Variants in ABRA observed in about 807,000 individuals in gnomAD.
The protein encoded by ABRA is actin-binding Rho-activating protein.
Under a neutral mutation model 33.4 loss-of-function variants are expected in ABRA, and 25 were observed. The ratio of observed to expected loss-of-function variants is 0.75; its 90% confidence interval spans 0.55 to 1.04. The LOEUF (loss-of-function observed/expected upper bound fraction) is 1.04, where lower values mean the gene tolerates loss of function less well. Among genes scored for constraint, ABRA ranks in the 50% least tolerant of loss-of-function variants. ABRA has a pLI of 0.00. For synonymous variants in ABRA, 193 were observed against 176.8 expected, an observed-to-expected ratio of 1.09 and a Z score of -0.73; for missense variants, 501 against 491.7, an observed-to-expected ratio of 1.02 and a Z score of -0.18.
At chr8:106,764,601 G>A (rs554745037) in intron 1 of ABRA, among the ~76,000 whole-genome samples, 10 of 152,144 alleles carry the variant, frequency 6.6e-5, no homozygotes, top group African/African-American at 2.2e-4. Flanking sequence ...GCAGTGAGCC[G>A]AGATGGTGTA....
chr8:106,763,962 A>G (rs1836172843), intron 1 of ABRA, among the ~76,000 whole-genome samples: 1 of 152,190 alleles, frequency 6.6e-6, no homozygotes, highest in Non-Finnish European at 1.5e-5. Flanking sequence ...TACTTATTGG[A>G]TATTTTATAA....
At chr8:106,762,536 A>G (rs943810044) in intron 1 of ABRA, among the ~76,000 whole-genome samples, 2 of 152,214 alleles carry the variant, frequency 1.3e-5, no homozygotes, top group African/African-American at 4.8e-5. Context: ...GCCTAATATT[A>G]GGATGGGGCA....
chr8:106,764,409 T>C (rs1028983438), intron 1 of ABRA, among the ~76,000 whole-genome samples: 4 of 152,188 alleles, frequency 2.6e-5, no homozygotes, highest in African/African-American at 9.7e-5. Context: ...ATCCCAGCAC[T>C]TGGGGAGGGT....
chr8:106,764,179 G>T (rs953954898), intron 1 of ABRA, among the ~76,000 whole-genome samples: 1 of 152,176 alleles, frequency 6.6e-6, no homozygotes, highest in African/African-American at 2.4e-5. Flanking sequence ...CAAAAAATAG[G>T]TAAATACTCA....
At chr8:106,767,669 G>A (rs999934837) in intron 1 of ABRA, among the ~76,000 whole-genome samples, 2 of 152,156 alleles carry the variant, frequency 1.3e-5, no homozygotes, top group Non-Finnish European at 2.9e-5. Flanking sequence ...AAGCGACAAA[G>A]CATTTAAACA....
At chr8:106,765,942 T>C (rs1836213655) in intron 1 of ABRA, among the ~76,000 whole-genome samples, 1 of 152,212 alleles carries the variant, frequency 6.6e-6, no homozygotes, top group African/African-American at 2.4e-5. Context: ...CAGTCTAGCA[T>C]AGTGGTTAAG....
rs147263625 is a variant in ABRA at position 106,769,798 on chromosome 8, G to A, written c.393C>T (p.Tyr131=). The A allele has an allele frequency of 1.7e-4, 279 of 1,614,112 alleles. No homozygotes were observed. The highest frequency in any genetic ancestry group is 2.0e-4 in the Non-Finnish European group (235 of 1,180,024). Residue 131 remains tyrosine, a synonymous_variant, in exon 1 of 2, where the codon TAC becomes TAT. Transcript: ENST00000311955. ...GTTCAAGCACACCAGCATCCCTCTC[G>A]TACCTGTGGCTGAGGTGGCTCACGT... ...GGDVSHLSHR[Y]ERDAGVLEPG...
At chr8:106,768,622 G>A (rs1331516828) in intron 1 of ABRA, among the ~76,000 whole-genome samples, 1 of 152,084 alleles carries the variant, frequency 6.6e-6, no homozygotes, top group East Asian at 1.9e-4. Flanking sequence ...TTTTACAAAT[G>A]AGGAAATCTG....
chr8:106,768,564 G>T (rs192873725), intron 1 of ABRA, among the ~76,000 whole-genome samples: 4 of 152,132 alleles, frequency 2.6e-5, no homozygotes, highest in African/African-American at 9.7e-5. Context: ...TCTCATTTAC[G>T]TTTCCCAATA....
chr8:106,770,117 A>C lies in ABRA; in HGVS notation c.74T>G (p.Leu25Arg). ...SALRKIRTAT[L>R]VISLARGWQQ... ...CCAACCTCGGGCCAAGCTGATGACC[A>C]GGGTGGCTGTGCGTATCTTCCGGAG... is the stretch of plus-strand genomic sequence containing the variant. Residue 25 changes from leucine to arginine, a missense_variant, in exon 1 of 2, where the codon CTG (leucine) becomes CGG (arginine). Physicochemically the swap from Leu to Arg is moderately radical, Grantham distance 102. Coordinates refer to ENST00000311955, the MANE Select transcript of ABRA (RefSeq NM_139166.5). The C allele has an allele frequency of 1.2e-6, 2 of 1,613,804 alleles. No individual in the cohort carries two copies. Among genetic ancestry groups the C allele is most frequent in the African/African-American group, 2.7e-5 (2 of 75,038 alleles).
intron 1 of ABRA, among the ~76,000 whole-genome samples, chr8:106,768,277 A>G (rs1348656321): frequency 6.6e-6 from 1 of 152,212 alleles, no homozygotes; most frequent in Non-Finnish European, 1.5e-5. Context: ...GGCATTGTGG[A>G]ATAAGAAATC....
rs962955611 is a variant in ABRA, at chr8:106,760,855, G to A, written c.*182C>T. On this transcript the variant is annotated 3_prime_UTR_variant, in exon 2 of 2. Transcript: ENST00000311955. ...CTATGTGCTTTCTGAAATGCTTTGTGCCTTCTCAAAATCTCCAAAATTCCT... is the reference window on the plus strand; with the variant it reads ...CTATGTGCTTTCTGAAATGCTTTGTACCTTCTCAAAATCTCCAAAATTCCT... 15 of 623,052 alleles carry A rather than the reference G, an allele frequency of 2.4e-5. No homozygotes were observed. The African/African-American group carries it at 2.6e-4, about 11-fold the overall frequency. 38.6% of individuals were successfully genotyped at this position (623,052 alleles called of 1,614,324 possible). A position where few individuals can be genotyped will look rare whatever the true frequency, so the allele number is the denominator to read the frequency against.
rs766133371 is a variant in ABRA at position 106,769,948 on chromosome 8, C to A, written c.243G>T (p.Ser81=). ...CATGTCCTTCTGGCAGGCGGGGTGGCGACTTTGGGGCACTCTGAGCTTTCT... is the reference window on the plus strand; with the variant it reads ...CATGTCCTTCTGGCAGGCGGGGTGGAGACTTTGGGGCACTCTGAGCTTTCT... ...SHQKAQSAPK[S]PPRLPEGHGD... The change falls in exon 1 of 2, where the codon TCG becomes TCT. Residue 81 remains serine (S), a synonymous_variant. Coordinates refer to ENST00000311955, the MANE Select transcript of ABRA (RefSeq NM_139166.5). 3 of 1,613,564 alleles carry A rather than the reference C, an allele frequency of 1.9e-6. No homozygotes were observed. In the South Asian group the frequency reaches 3.3e-5, roughly 18 times the overall value.
chr8:106,767,954 G>A (rs1315724903), intron 1 of ABRA, among the ~76,000 whole-genome samples: 4 of 152,058 alleles, frequency 2.6e-5, no homozygotes, highest in African/African-American at 9.7e-5. Flanking sequence ...AATTAGCTGG[G>A]CGTGGTGGTG....
At position 106,759,698 on chromosome 8, in the gene ABRA, T is replaced by A. The variant is rs1176074803; in HGVS notation, c.*1339A>T. 1 of 152,206 alleles carries A rather than the reference T, an allele frequency of 6.6e-6. No homozygotes were observed. Among genetic ancestry groups the A allele is most frequent in the Non-Finnish European group, 1.5e-5 (1 of 68,014 alleles). 9.4% of individuals were successfully genotyped at this position (152,206 alleles called of 1,614,324 possible). ...AGAGACTCATACATGAAAACAAATA[T>A]AATTCTTATAGCAGTCTAATACCTA... On this transcript the variant is annotated 3_prime_UTR_variant, in exon 2 of 2. Coordinates refer to ENST00000311955, the MANE Select transcript of ABRA (RefSeq NM_139166.5).
intron 1 of ABRA, among the ~76,000 whole-genome samples, chr8:106,764,919 A>C (rs1836193287): frequency 6.6e-6 from 1 of 152,266 alleles, no homozygotes; most frequent in Non-Finnish European, 1.5e-5. Flanking sequence ...AAAAGGTCAA[A>C]GTGTATTTGG....
intron 1 of ABRA, among the ~76,000 whole-genome samples, chr8:106,764,815 G>A (rs1442793576): frequency 6.6e-6 from 1 of 151,978 alleles, no homozygotes; most frequent in Non-Finnish European, 1.5e-5. Flanking sequence ...TAGAAAATAG[G>A]GCTAGGAAAA....
At chr8:106,769,046 G>A (rs1810549291) in intron 1 of ABRA, among the ~76,000 whole-genome samples, 1 of 152,170 alleles carries the variant, frequency 6.6e-6, no homozygotes, top group African/African-American at 2.4e-5. Context: ...GCCTCCACCT[G>A]TTTAGAGTCA....
chr8:106,763,451 T>C (rs1400591817), intron 1 of ABRA, among the ~76,000 whole-genome samples: 1 of 152,118 alleles, frequency 6.6e-6, no homozygotes, highest in East Asian at 1.9e-4. Context: ...TTATAAAATA[T>C]ATGTGTGAAA....
Sources: gnomAD v4.1 joint callset for allele counts (sites outside exome capture counted in the v4.1 genomes callset) on GRCh38, gnomAD v4.1.1 for gene constraint, MANE v1.5 for transcripts, NCBI Gene and HGNC (gene_info 2026-07-23, HGNC 2026-07-21) for gene names.